The following KCNB2 variants were observed in gnomAD, a reference collection of about 807,000 sequenced individuals.
KCNB2 encodes delayed rectifier potassium channel protein.
Under a neutral mutation model 61.5 loss-of-function variants are expected in KCNB2, and 15 were observed. That is an observed-to-expected ratio of 0.24 (90% CI 0.16 to 0.38). The LOEUF (loss-of-function observed/expected upper bound fraction) is 0.38. KCNB2 is among the 10% of genes least tolerant of loss of function. The pLI is 1.00. For synonymous variants in KCNB2, 457 were observed against 446.0 expected, an observed-to-expected ratio of 1.02 and a Z score of -0.31; for missense variants, 828 against 1,125.2, an observed-to-expected ratio of 0.74 and a Z score of 3.78.
intron 2 of KCNB2, among the ~76,000 whole-genome samples, chr8:72,836,230 CTT>C (rs1323374153): frequency 3.3e-5 from 5 of 152,324 alleles, no homozygotes; most frequent in African/African-American, 1.2e-4. Context: ...ACAGCTATAA[CTT>C]TGGTTTTATT....
intron 2 of KCNB2, among the ~76,000 whole-genome samples, chr8:72,607,339 C>A: frequency 6.6e-6 from 1 of 152,160 alleles, no homozygotes; most frequent in African/African-American, 2.4e-5. Context: ...GACCATCCTT[C>A]TCAAGAATGA....
intron 2 of KCNB2, among the ~76,000 whole-genome samples, chr8:72,705,775 C>T (rs1359541600): frequency 1.3e-5 from 2 of 152,164 alleles, no homozygotes; most frequent in Non-Finnish European, 2.9e-5. Flanking sequence ...ACATGTGTAG[C>T]ATGAGAATGA....
At chr8:72,715,262 C>T (rs954293115) in intron 2 of KCNB2, among the ~76,000 whole-genome samples, 1 of 152,026 alleles carries the variant, frequency 6.6e-6, no homozygotes, top group African/African-American at 2.4e-5. Context: ...CGAGACAGAA[C>T]GTTAACAAGG....
intron 2 of KCNB2, among the ~76,000 whole-genome samples, chr8:72,600,606 TA>T (rs201601108): frequency 0.013 from 1,893 of 145,076 alleles, 33 homozygotes; most frequent in African/African-American, 0.044. Flanking sequence ...TAATAAAATT[TA>T]AAAAAAAAAG....
At chr8:72,592,007 A>G (rs1287445386) in intron 2 of KCNB2, among the ~76,000 whole-genome samples, 1 of 152,178 alleles carries the variant, frequency 6.6e-6, no homozygotes, top group African/African-American at 2.4e-5. Context: ...AAATCATAAG[A>G]AATTTACATT....
chr8:72,891,745 A>G, intron 2 of KCNB2, among the ~76,000 whole-genome samples: 1 of 152,244 alleles, frequency 6.6e-6, no homozygotes, highest in Admixed American at 6.5e-5. Flanking sequence ...TCATCCAGAT[A>G]GAGGGGATGA....
chr8:72,564,003 T>C (rs998948266), intron 1 of KCNB2, among the ~76,000 whole-genome samples: 1 of 152,226 alleles, frequency 6.6e-6, no homozygotes, highest in Non-Finnish European at 1.5e-5. Context: ...ATCCCTGCTA[T>C]GAAGAAAGGG....
intron 2 of KCNB2, among the ~76,000 whole-genome samples, chr8:72,870,996 A>G (rs1445527784): frequency 6.6e-6 from 1 of 152,216 alleles, no homozygotes; most frequent in African/African-American, 2.4e-5. Context: ...AATAGAGAAA[A>G]GAAAAGAAAG....
intron 2 of KCNB2, among the ~76,000 whole-genome samples, chr8:72,779,657 G>C (rs529372390): frequency 6.6e-6 from 1 of 152,014 alleles, no homozygotes; most frequent in Non-Finnish European, 1.5e-5. Flanking sequence ...AAATCTTACC[G>C]TCTGGCTAGA....
chr8:72,582,149 A>G (rs1177481240), intron 2 of KCNB2, among the ~76,000 whole-genome samples: 1 of 152,186 alleles, frequency 6.6e-6, no homozygotes, highest in Non-Finnish European at 1.5e-5. Flanking sequence ...ACTTACAGAT[A>G]GGCAGCAAGG....
At chr8:72,547,283 T>G (rs1024119744) in intron 1 of KCNB2, among the ~76,000 whole-genome samples, 1 of 152,226 alleles carries the variant, frequency 6.6e-6, no homozygotes, top group Non-Finnish European at 1.5e-5. Context: ...TTTTCATGCC[T>G]GCTAACACAG....
intron 2 of KCNB2, among the ~76,000 whole-genome samples, chr8:72,589,982 CT>C (rs1199147743): frequency 6.6e-6 from 1 of 152,252 alleles, no homozygotes; most frequent in African/African-American, 2.4e-5. Flanking sequence ...TCATTAGGCT[CT>C]TATAATGATT....
chr8:72,890,466 C>T (rs1213992924), intron 2 of KCNB2, among the ~76,000 whole-genome samples: 2 of 152,192 alleles, frequency 1.3e-5, no homozygotes, highest in Non-Finnish European at 2.9e-5. Flanking sequence ...GACTATGGCA[C>T]ATCAGCTGCA....
At chr8:72,673,321 C>G (rs1290144519) in intron 2 of KCNB2, among the ~76,000 whole-genome samples, 1 of 152,132 alleles carries the variant, frequency 6.6e-6, no homozygotes, top group Non-Finnish European at 1.5e-5. Flanking sequence ...TTTCCCCCGT[C>G]CTGTTCTTGT....
chr8:72,767,918 A>G lies in KCNB2; in HGVS notation c.580-168017A>G, dbSNP rs1808487343. On this transcript the variant is annotated intron_variant, in intron 2 of 2. Coordinates refer to ENST00000523207, the MANE Select transcript of KCNB2 (RefSeq NM_004770.3). ...TTTTATTATAGCCATCCTCCTGGGT[A>G]TGCAGAGGTATCTCATTGTGATTTC... Among the ~76,000 whole-genome samples the G allele has an allele frequency of 6.1e-5, 9 of 148,058 alleles. No individual in the cohort carries two copies. In the South Asian group the frequency reaches 2.1e-3, roughly 35 times the overall value.
intron 2 of KCNB2, among the ~76,000 whole-genome samples, chr8:72,829,315 C>T (rs1332764553): frequency 6.6e-6 from 1 of 152,124 alleles, no homozygotes; most frequent in Non-Finnish European, 1.5e-5. Flanking sequence ...TCTAGAAGAG[C>T]AGCCTAGATT....
chr8:72,925,710 A>G (rs546900420), intron 2 of KCNB2, among the ~76,000 whole-genome samples: 91 of 152,348 alleles, frequency 6.0e-4, no homozygotes, highest in African/African-American at 1.9e-3. Flanking sequence ...TAGAGGCAGA[A>G]ATACTATTTG....
Position 72,649,530 on chromosome 8 carries a change from T to G in KCNB2, c.579+81217T>G, listed in dbSNP as rs148459652. On this transcript the variant is annotated intron_variant, in intron 2 of 2. Coordinates refer to ENST00000523207, the MANE Select transcript of KCNB2 (RefSeq NM_004770.3). ...TGATGAGATGAACTGTACCCCAAAC[T>G]TCAGTATCATGCAATATACTCATGT... Among the ~76,000 whole-genome samples, 1,147 of 152,244 alleles carry G rather than the reference T, an allele frequency of 7.5e-3. 6 individuals are homozygous for G. In the Middle Eastern group the frequency reaches 0.078, roughly 10 times the overall value.
chr8:72,714,307 G>A (rs1025507785), intron 2 of KCNB2, among the ~76,000 whole-genome samples: 27 of 152,096 alleles, frequency 1.8e-4, no homozygotes, highest in Non-Finnish European at 3.2e-4. Context: ...GAAATACAGA[G>A]AATGCCACAA....
Sources: allele counts gnomAD v4.1 joint callset (sites outside exome capture counted in the v4.1 genomes callset), GRCh38; gene constraint gnomAD v4.1.1; transcripts MANE v1.5; gene names NCBI Gene and HGNC (gene_info 2026-07-23, HGNC 2026-07-21).